Variants in ZSCAN1 observed in about 807,000 individuals in gnomAD.
ZSCAN1 encodes zinc finger and SCAN domain containing 1.
A neutral mutation model predicts 23.8 loss-of-function variants in ZSCAN1; 23 were observed. That is an observed-to-expected ratio of 0.97 (90% CI 0.70 to 1.37). The LOEUF is 1.37. Ranked by LOEUF, ZSCAN1 falls within the 40% of genes most tolerant of loss-of-function variation. ZSCAN1 has a pLI of 0.00. For synonymous variants in ZSCAN1, 236 were observed against 232.3 expected (o/e 1.02, Z -0.15); for missense variants, 575 against 554.0 (o/e 1.04, Z -0.38).
intron 4 of ZSCAN1, chr19:58,044,787 C>T: frequency 1.4e-6 from 1 of 725,538 alleles, no homozygotes; most frequent in South Asian, 1.5e-5. Context: ...GCTTCAGAGG[C>T]GATCACCTCA....
At chr19:58,036,889 G>T (rs182971813) in intron 2 of ZSCAN1, among the ~76,000 whole-genome samples, 1 of 152,056 alleles carries the variant, frequency 6.6e-6, no homozygotes, top group Non-Finnish European at 1.5e-5. Context: ...TCGCCATGTC[G>T]GTCAGGCTGG....
At chr19:58,052,245 G>A (rs1480103943) in intron 4 of ZSCAN1, among the ~76,000 whole-genome samples, 4 of 152,228 alleles carry the variant, frequency 2.6e-5, no homozygotes, top group African/African-American at 9.6e-5. Context: ...AGCTCTTTAG[G>A]AGTGGTTATT....
chr19:58,045,305 C>T lies in ZSCAN1; in HGVS notation c.465+4761C>T, dbSNP rs545436518. 2.0e-4 allele frequency: 158 copies of T among 792,788 alleles called. 1 individual carries two copies. Among genetic ancestry groups the T allele is most frequent in the East Asian group, 1.1e-3 (44 of 41,190 alleles). The allele number at this position is 792,788 out of a possible 1,614,324, so 49.1% of individuals were successfully genotyped here. Reference sequence around the variant, plus strand: ...TCCCCAACATGTTGCCATCCACATCCGAGACTCAGTCCATCAAGGAGAAGA... The same window carrying T: ...TCCCCAACATGTTGCCATCCACATCTGAGACTCAGTCCATCAAGGAGAAGA... On this transcript the variant is annotated intron_variant, in intron 4 of 5. Coordinates refer to ENST00000282326, the MANE Select transcript of ZSCAN1 (RefSeq NM_182572.4). The surrounding 1 kb of genome is among the most constrained non-coding windows in gnomAD (Gnocchi z 4.3).
At chr19:58,038,395 C>A in intron 3 of ZSCAN1, 189 bp downstream of exon 3, 1 of 716,332 alleles carries the variant, frequency 1.4e-6, no homozygotes, top group Non-Finnish European at 2.3e-6. Context: ...GCCTCATCTG[C>A]CTCGAATTTC....
chr19:58,038,246 G>C (rs749239514), intron 3 of ZSCAN1, 40 bp downstream of exon 3: 2 of 1,567,800 alleles, frequency 1.3e-6, no homozygotes, highest in African/African-American at 2.7e-5. Context: ...CGGGCCAGGG[G>C]GCCTGACGTC....
At chr19:58,046,197 C>A in intron 4 of ZSCAN1, 1 of 760,244 alleles carries the variant, frequency 1.3e-6, no homozygotes, top group Non-Finnish European at 2.4e-6. Flanking sequence ...AGGAGGAGAT[C>A]AGCATCCTCA....
chr19:58,046,303 G>T, intron 4 of ZSCAN1: 1 of 836,638 alleles, frequency 1.2e-6, no homozygotes, highest in South Asian at 1.3e-5. Context: ...GGACTACAGC[G>T]AGGACTTGCA....
At position 58,049,137 on chromosome 19, in the gene ZSCAN1, C is replaced by T. The variant is rs185562579; in HGVS notation, c.466-3353C>T. On this transcript the variant is annotated intron_variant, in intron 4 of 5. Coordinates refer to ENST00000282326, the MANE Select transcript of ZSCAN1 (RefSeq NM_182572.4). This position sits in a 1 kb window ranked among gnomAD's most constrained non-coding sequence, Gnocchi z 4.5. ...GCTCAATCCACCCACGAAAACCTTT[C>T]GGGGGGTTCTTTCCCTTTTCAAGCT... 124 of 157,420 alleles carry T rather than the reference C, an allele frequency of 7.9e-4. 1 individual carries two copies. Among genetic ancestry groups the T allele is most frequent in the South Asian group, 4.4e-3 (25 of 5,710 alleles). 9.8% of individuals were successfully genotyped at this position (157,420 alleles called of 1,614,324 possible).
chr19:58,047,446 CAG>C lies in ZSCAN1; in HGVS notation c.466-5041_466-5040del, dbSNP rs1413660053. ...CAATTCTTTAAGCAGTCGATTGGCA[CAG>C]AGTTTTCCCACGCTGGTCGGCCTGC... On this transcript the variant is annotated intron_variant, in intron 4 of 5. Coordinates refer to ENST00000282326, the MANE Select transcript of ZSCAN1 (RefSeq NM_182572.4). The surrounding 1 kb of genome is among the most constrained non-coding windows in gnomAD (Gnocchi z 4.9). 1.3e-5 allele frequency among the ~76,000 whole-genome samples: 2 copies of C among 152,180 alleles called. No individual in the cohort carries two copies. The highest frequency in any genetic ancestry group is 4.8e-5 in the African/African-American group (2 of 41,454).
Position 58,037,799 on chromosome 19 carries a change from C to T in ZSCAN1, c.-38C>T, listed in dbSNP as rs1253721245. 1.4e-6 allele frequency: 2 copies of T among 1,439,034 alleles called. No homozygotes were observed. Among genetic ancestry groups the T allele is most frequent in the Admixed American group, 5.5e-5 (2 of 36,690 alleles). 89.1% of individuals were successfully genotyped at this position (1,439,034 alleles called of 1,614,324 possible). A position where few individuals can be genotyped will look rare whatever the true frequency, so the allele number is the denominator to read the frequency against. On this transcript the variant is annotated 5_prime_UTR_variant, in exon 3 of 6. Transcript: ENST00000282326. ...GAGCCACTGGGACTCGGGATCCAGT[C>T]CACACACACCCCTCAGAGGGGCACT...
chr19:58,037,881 G>GACGCCCCCAT lies in ZSCAN1; in HGVS notation c.47_48insGCCCCCATAC (p.Thr18ProfsTer7), dbSNP rs1568601175. 1 of 1,185,604 alleles carries GACGCCCCCAT rather than the reference G, an allele frequency of 8.4e-7. No individual in the cohort carries two copies. Among genetic ancestry groups the GACGCCCCCAT allele is most frequent in the East Asian group, 3.8e-5 (1 of 26,468 alleles). The allele number at this position is 1,185,604 out of a possible 1,614,324, so 73.4% of individuals were successfully genotyped here. ...CCCCTGCCTCCCCCAGACGCCCCCA[G>GACGCCCCCAT]ACCCCAACCCCGAGTGAGCAGGACG... On this transcript the variant is annotated frameshift_variant, in exon 3 of 6. Transcript: ENST00000282326. LOFTEE classifies it high-confidence loss of function.
At position 58,042,326 on chromosome 19, in the gene ZSCAN1, C is replaced by T. The variant is rs978172553; in HGVS notation, c.465+1782C>T. Among the ~76,000 whole-genome samples, 225 of 151,406 alleles carry T rather than the reference C, an allele frequency of 1.5e-3. 1 individual carries two copies. The highest frequency in any genetic ancestry group is 5.0e-3 in the African/African-American group (206 of 41,242). On this transcript the variant is annotated intron_variant, in intron 4 of 5. Transcript: ENST00000282326. ...AGGCTGGAGTGCAGTGGCGCGATCT[C>T]GGCTCACTGCAAGCTCTGCCTCCCG...
At position 58,054,094 on chromosome 19, in the gene ZSCAN1, G is replaced by A. The variant is rs887597916; in HGVS notation, c.*43G>A. ...TCGGCCACCCGGCCCTGAGTCCCTGGGGGGAGCTGATGGGCCCCAGAAGAT... is the reference window on the plus strand; with the variant it reads ...TCGGCCACCCGGCCCTGAGTCCCTGAGGGGAGCTGATGGGCCCCAGAAGAT... On this transcript the variant is annotated 3_prime_UTR_variant, in exon 6 of 6. Transcript: ENST00000282326. This position sits in a 1 kb window ranked among gnomAD's most constrained non-coding sequence, Gnocchi z 4.2. The A allele has an allele frequency of 1.0e-5, 15 of 1,445,948 alleles. No homozygotes were observed. Among genetic ancestry groups the A allele is most frequent in the East Asian group, 4.9e-5 (2 of 40,726 alleles). The allele number at this position is 1,445,948 out of a possible 1,614,324, so 89.6% of individuals were successfully genotyped here. A position where few individuals can be genotyped will look rare whatever the true frequency, so the allele number is the denominator to read the frequency against.
chr19:58,040,631 G>C lies in ZSCAN1; in HGVS notation c.465+87G>C. On this transcript the variant is annotated intron_variant, in intron 4 of 5. Transcript: ENST00000282326. This position sits in a 1 kb window ranked among gnomAD's most constrained non-coding sequence, Gnocchi z 5.8. ...ACGGCCTCAAGGATGCCCCATCCAA[G>C]GACTGTGTGAGGTTGTCCCCAGCGC... The C allele has an allele frequency of 7.3e-7, 1 of 1,363,992 alleles. No homozygotes were observed. Among genetic ancestry groups the C allele is most frequent in the Non-Finnish European group, 1.0e-6 (1 of 963,148 alleles). 84.5% of individuals were successfully genotyped at this position (1,363,992 alleles called of 1,614,324 possible).
intron 4 of ZSCAN1, among the ~76,000 whole-genome samples, chr19:58,048,407 T>C (rs1314475154): frequency 6.6e-6 from 1 of 152,256 alleles, no homozygotes; most frequent in Non-Finnish European, 1.5e-5. Context: ...CTGCTTGAGG[T>C]GGCCAAGGCC....
chr19:58,045,017 C>A lies in ZSCAN1; in HGVS notation c.465+4473C>A. The A allele has an allele frequency of 1.7e-6, 2 of 1,157,054 alleles. No individual in the cohort carries two copies. The highest frequency in any genetic ancestry group is 2.4e-5 in the East Asian group (1 of 42,168). 71.7% of individuals were successfully genotyped at this position (1,157,054 alleles called of 1,614,324 possible). A position where few individuals can be genotyped will look rare whatever the true frequency, so the allele number is the denominator to read the frequency against. ...GAAGGCGGCCCTGTGTACAGCGCCCCCGCAGAGATGGTGGTGAAGTCCCGG... is the reference window on the plus strand; with the variant it reads ...GAAGGCGGCCCTGTGTACAGCGCCCACGCAGAGATGGTGGTGAAGTCCCGG... On this transcript the variant is annotated intron_variant, in intron 4 of 5. Transcript: ENST00000282326. The surrounding 1 kb of genome is among the most constrained non-coding windows in gnomAD (Gnocchi z 4.3).
chr19:58,034,788 G>A (rs2073722688), intron 1 of ZSCAN1, among the ~76,000 whole-genome samples: 1 of 131,308 alleles, frequency 7.6e-6, no homozygotes, highest in African/African-American at 2.9e-5. Flanking sequence ...CACAGCCGTC[G>A]TCGCTGCCCC....
rs770383673 is a variant in ZSCAN1, at chr19:58,053,850, C to T, written c.1026C>T (p.His342=). ...NSVLTEHGKI[H]LLEPPRKKAP... The stretch of plus-strand genomic sequence containing the variant: ...TCCTCACTGAGCATGGCAAGATCCA[C>T]CTGCTGGAGCCACCGAGGAAGAAAG... The change falls in exon 6 of 6, where the codon CAC becomes CAT. Residue 342 remains histidine, a synonymous_variant. Transcript: ENST00000282326. The surrounding 1 kb of genome is among the most constrained non-coding windows in gnomAD (Gnocchi z 5.8). The T allele has an allele frequency of 6.2e-7, 1 of 1,613,994 alleles. No individual in the cohort carries two copies. Among genetic ancestry groups the T allele is most frequent in the South Asian group, 1.1e-5 (1 of 91,080 alleles).
rs2073876209 is a variant in ZSCAN1 at position 58,053,965 on chromosome 19, C to T, written c.1141C>T (p.Gln381Ter). Reference protein sequence around the residue: ...VAPRSPKRPFQCSVCGKAFPW... With the variant: ...VAPRSPKRPF ...CCCTCGCAGCCCCAAAAGACCCTTC[C>T]AGTGTAGCGTCTGCGGGAAGGCCTT... is the stretch of plus-strand genomic sequence containing the variant. Residue 381 changes from glutamine to a stop codon, truncating the protein, a stop_gained, in exon 6 of 6, where the codon CAG becomes TAG. Transcript: ENST00000282326. LOFTEE classifies it low-confidence loss of function (END_TRUNC). This position sits in a 1 kb window ranked among gnomAD's most constrained non-coding sequence, Gnocchi z 5.8. 2 of 1,606,928 alleles carry T rather than the reference C, an allele frequency of 1.2e-6. No homozygotes were observed. Among genetic ancestry groups the T allele is most frequent in the Non-Finnish European group, 1.7e-6 (2 of 1,175,954 alleles).
Sources: allele counts gnomAD v4.1 joint callset (sites outside exome capture counted in the v4.1 genomes callset), GRCh38; gene constraint gnomAD v4.1.1; non-coding constraint Gnocchi (gnomAD v3.1); transcripts MANE v1.5; gene names NCBI Gene and HGNC (gene_info 2026-07-23, HGNC 2026-07-21).